The following MGAT4C variants were observed in gnomAD, a reference collection of about 807,000 sequenced individuals.
MGAT4C encodes alpha-1,3-mannosyl-glycoprotein 4-beta-N-acetylglucosaminyltransferase C.
MGAT4C carries 19 observed loss-of-function variants against 40.1 expected under a neutral mutation model. The ratio of observed to expected loss-of-function variants is 0.47; its 90% confidence interval spans 0.33 to 0.70. MGAT4C has a LOEUF of 0.70. Among genes scored for constraint, MGAT4C ranks in the 30% least tolerant of loss-of-function variants. The pLI, the probability that MGAT4C is intolerant of heterozygous loss-of-function variation, is 0.02. For missense variants in MGAT4C, 491 were observed against 563.2 expected, an observed-to-expected ratio of 0.87 and a Z score of 1.30; for synonymous variants, 181 against 187.1, an observed-to-expected ratio of 0.97 and a Z score of 0.27.
chr12:86,662,430 T>G (rs548974239), intron 2 of MGAT4C, among the ~76,000 whole-genome samples: 1 of 152,322 alleles, frequency 6.6e-6, no homozygotes, highest in East Asian at 1.9e-4. Flanking sequence ...ACACAGAAGT[T>G]TAGGCAATGA....
At chr12:86,426,411 A>C (rs1956927421) in intron 3 of MGAT4C, among the ~76,000 whole-genome samples, 1 of 152,198 alleles carries the variant, frequency 6.6e-6, no homozygotes, top group Non-Finnish European at 1.5e-5. Context: ...AGACACTATA[A>C]TAAACACATT....
chr12:86,569,661 C>G (rs796476806), intron 2 of MGAT4C, among the ~76,000 whole-genome samples: 2 of 151,734 alleles, frequency 1.3e-5, no homozygotes, highest in Non-Finnish European at 2.9e-5. Context: ...ATAGAAGTAC[C>G]AAAAATTGGG....
At chr12:86,090,155 G>A (rs1471052512) in intron 1 of MGAT4C, among the ~76,000 whole-genome samples, 3 of 151,470 alleles carry the variant, frequency 2.0e-5, no homozygotes, top group Non-Finnish European at 4.4e-5. Context: ...CCATTTCATA[G>A]AATGTTTGCT....
Position 85,958,672 on chromosome 12 carries a change from C to T in MGAT4C, c.*20617G>A, listed in dbSNP as rs902675742. On this transcript the variant is annotated 3_prime_UTR_variant, in exon 5 of 5. Transcript: ENST00000611864. ...TATGAATTAATCTTTGACAAATTCA[C>T]TTACAACTAGCAATTTTAAAGACTT... is the stretch of plus-strand genomic sequence containing the variant. 6.6e-6 allele frequency: 1 copy of T among 151,980 alleles called. No homozygotes were observed. Among genetic ancestry groups the T allele is most frequent in the African/African-American group, 2.4e-5 (1 of 41,394 alleles). The allele number at this position is 151,980 out of a possible 1,614,324, so 9.4% of individuals were successfully genotyped here.
chr12:86,521,434 T>C (rs1327576451), intron 2 of MGAT4C, among the ~76,000 whole-genome samples: 3 of 152,152 alleles, frequency 2.0e-5, no homozygotes, highest in African/African-American at 4.8e-5. Context: ...TCTATATGTC[T>C]GTTTTTGTAG....
At chr12:86,771,451 A>G (rs1207828278) in intron 1 of MGAT4C, among the ~76,000 whole-genome samples, 1 of 152,136 alleles carries the variant, frequency 6.6e-6, no homozygotes, top group Non-Finnish European at 1.5e-5. Flanking sequence ...TTGATGGTAG[A>G]AATATGGTCA....
intron 1 of MGAT4C, among the ~76,000 whole-genome samples, chr12:86,051,632 C>A (rs1401517065): frequency 6.6e-6 from 1 of 151,174 alleles, no homozygotes; most frequent in African/African-American, 2.4e-5. Flanking sequence ...ATTATGTGTT[C>A]TATTTAGGTA....
At chr12:86,447,890 G>C (rs566665604) in intron 2 of MGAT4C, among the ~76,000 whole-genome samples, 1 of 152,204 alleles carries the variant, frequency 6.6e-6, no homozygotes, top group African/African-American at 2.4e-5. Flanking sequence ...ACCACTTCCA[G>C]GCTTTTACAA....
chr12:86,402,163 G>A (rs979536831), intron 3 of MGAT4C, among the ~76,000 whole-genome samples: 1 of 151,932 alleles, frequency 6.6e-6, no homozygotes, highest in Admixed American at 6.6e-5. Context: ...TGAAAAAATA[G>A]GCCGGGCACA....
chr12:86,382,279 A>G (rs1174926382), intron 3 of MGAT4C, among the ~76,000 whole-genome samples: 1 of 152,206 alleles, frequency 6.6e-6, no homozygotes, highest in Non-Finnish European at 1.5e-5. Flanking sequence ...ATTTTAGCAA[A>G]GAGACTGGTG....
At chr12:86,200,013 C>T (rs565984174) in intron 1 of MGAT4C, among the ~76,000 whole-genome samples, 26 of 152,026 alleles carry the variant, frequency 1.7e-4, no homozygotes, top group African/African-American at 6.3e-4. Flanking sequence ...TCCTCATGAC[C>T]CCTTCCTGTC....
At position 86,037,293 on chromosome 12, in the gene MGAT4C, G is replaced by T. The variant is rs565524623; in HGVS notation, c.-7+12381C>A. On this transcript the variant is annotated intron_variant, in intron 2 of 4. Transcript: ENST00000611864. ...GTTTTTCGTGTTTCTATCTCCTTCA[G>T]TTCTGCTCTAATCTTAGTTACTTTT... Among the ~76,000 whole-genome samples, 17 of 149,892 alleles carry T rather than the reference G, an allele frequency of 1.1e-4. 2 individuals carry two copies. Among genetic ancestry groups the T allele is most frequent in the Admixed American group, 9.4e-4 (14 of 14,934 alleles).
chr12:85,983,745 C>T, intron 3 of MGAT4C, 75 bp from the exon 4 acceptor site: 1 of 1,232,614 alleles, frequency 8.1e-7, no homozygotes, highest in South Asian at 1.7e-5. Context: ...TTCTTTTTTA[C>T]ACAATAAATG....
intron 1 of MGAT4C, among the ~76,000 whole-genome samples, chr12:86,241,991 G>A (rs1951809062): frequency 6.6e-6 from 1 of 152,044 alleles, no homozygotes; most frequent in African/African-American, 2.4e-5. Flanking sequence ...ATTTACCTTT[G>A]GTGGCCTCCC....
In MGAT4C at chr12:86,198,199, T is replaced by C. The variant is rs12318003; in HGVS notation, c.-57+58040A>G. ...ACATACAAAAACAACCAGGAGTATT[T>C]AACTTGAATACACAGTCTAAGTAGA... On this transcript the variant is annotated intron_variant, in intron 1 of 4. Transcript: ENST00000611864. Among the ~76,000 whole-genome samples the C allele has an allele frequency of 8.7e-3, 1,326 of 152,302 alleles. 22 individuals are homozygous for C. Among genetic ancestry groups the C allele is most frequent in the African/African-American group, 0.029 (1,202 of 41,576 alleles).
chr12:86,202,951 C>T (rs1282288136), intron 1 of MGAT4C, among the ~76,000 whole-genome samples: 2 of 151,724 alleles, frequency 1.3e-5, no homozygotes, highest in Admixed American at 1.3e-4. Context: ...AACTCAAAAT[C>T]GATCTCATCT....
intron 1 of MGAT4C, among the ~76,000 whole-genome samples, chr12:86,074,299 G>A (rs973393695): frequency 2.0e-5 from 3 of 151,730 alleles, no homozygotes; most frequent in African/African-American, 4.8e-5. Context: ...ACTAATACAT[G>A]GGACCTTGTA....
intron 2 of MGAT4C, among the ~76,000 whole-genome samples, chr12:86,699,246 T>C (rs1950313854): frequency 2.0e-5 from 3 of 152,128 alleles, no homozygotes; most frequent in Admixed American, 2.0e-4. Flanking sequence ...AAACAGGATA[T>C]TTTACTATCC....
intron 1 of MGAT4C, among the ~76,000 whole-genome samples, chr12:86,253,463 A>G (rs186147381): frequency 2.0e-4 from 30 of 152,064 alleles, no homozygotes; most frequent in Admixed American, 1.8e-3. Flanking sequence ...GATCTTTGGC[A>G]ACAAGTTACG....
Sources: allele counts gnomAD v4.1 joint callset (sites outside exome capture counted in the v4.1 genomes callset), GRCh38; gene constraint gnomAD v4.1.1; transcripts MANE v1.5; gene names NCBI Gene and HGNC (gene_info 2026-07-23, HGNC 2026-07-21).